Variants in ERICH3 observed in about 807,000 individuals in gnomAD.
ERICH3 encodes glutamate rich 3.
A neutral mutation model predicts 131.1 loss-of-function variants in ERICH3; 126 were observed. The observed-to-expected ratio is 0.96, with a 90% CI of 0.83 to 1.11. ERICH3 has a LOEUF of 1.11. Ranked by LOEUF, ERICH3 falls within the 50% of genes most tolerant of loss-of-function variation. The pLI is 0.00. For missense variants in ERICH3, 2,050 were observed against 1,810.7 expected, an observed-to-expected ratio of 1.13 and a Z score of -2.40; for synonymous variants, 695 against 644.6, an observed-to-expected ratio of 1.08 and a Z score of -1.18.
chr1:74,659,918 A>G (rs1169451911), intron 1 of ERICH3, among the ~76,000 whole-genome samples: 1 of 152,156 alleles, frequency 6.6e-6, no homozygotes, highest in African/African-American at 2.4e-5. Flanking sequence ...CCAGAGAGAG[A>G]GATCACAAGT....
At chr1:74,628,166 T>C (rs1247380832) in intron 7 of ERICH3, among the ~76,000 whole-genome samples, 1 of 152,178 alleles carries the variant, frequency 6.6e-6, no homozygotes, top group Non-Finnish European at 1.5e-5. Context: ...GCAATTCATC[T>C]CTTTAGTAAA....
At position 74,599,879 on chromosome 1, in the gene ERICH3, A is replaced by G. The variant is rs1434283523; in HGVS notation, c.1542T>C (p.Asn514=). 1 of 1,612,058 alleles carries G rather than the reference A, an allele frequency of 6.2e-7. No homozygotes were observed. Among genetic ancestry groups the G allele is most frequent in the African/African-American group, 1.3e-5 (1 of 74,872 alleles). ...VDEEKQGEKS[N]EEGQADVQMN... ...TTTGAACATCAGCCTGTCCTTCTTC[A>G]TTAGATTTTTCACCTTGTTTCTCCT... The change falls in exon 11 of 15, where the codon AAT becomes AAC. Residue 514 remains asparagine, a synonymous_variant. Coordinates refer to ENST00000326665, the MANE Select transcript of ERICH3 (RefSeq NM_001002912.5).
chr1:74,604,293 T>A (rs1188996553), intron 10 of ERICH3, among the ~76,000 whole-genome samples: 1 of 151,878 alleles, frequency 6.6e-6, no homozygotes, highest in East Asian at 1.9e-4. Flanking sequence ...TTCTACCACA[T>A]CTGCAATTAC....
intron 10 of ERICH3, among the ~76,000 whole-genome samples, chr1:74,603,226 A>G (rs1472789719): frequency 1.3e-5 from 2 of 151,856 alleles, no homozygotes; most frequent in Non-Finnish European, 2.9e-5. Context: ...TACTTTGGAC[A>G]CACTATCCAC....
chr1:74,586,849 CA>C (rs1444209819), intron 12 of ERICH3, among the ~76,000 whole-genome samples: 2 of 151,976 alleles, frequency 1.3e-5, no homozygotes, highest in African/African-American at 4.8e-5. Context: ...AATATGAAAA[CA>C]AAACTTTGTA....
chr1:74,631,232 T>C (rs1036850075), intron 7 of ERICH3, among the ~76,000 whole-genome samples: 6 of 152,166 alleles, frequency 3.9e-5, no homozygotes, highest in Admixed American at 3.9e-4. Context: ...TTTCTTCTAT[T>C]AGTATTTTGA....
intron 1 of ERICH3, among the ~76,000 whole-genome samples, chr1:74,664,509 A>G (rs1276651683): frequency 2.0e-5 from 3 of 152,178 alleles, no homozygotes; most frequent in Non-Finnish European, 2.9e-5. Context: ...ATAAAATATT[A>G]CAATCCATGG....
chr1:74,594,515 A>G (rs1001702354), intron 11 of ERICH3, among the ~76,000 whole-genome samples: 1 of 152,114 alleles, frequency 6.6e-6, no homozygotes, highest in Non-Finnish European at 1.5e-5. Flanking sequence ...CACTAAATAC[A>G]TATCGAGAAC....
chr1:74,572,904 C>T lies in ERICH3; in HGVS notation c.2806G>A (p.Gly936Arg). 1 of 1,614,076 alleles carries T rather than the reference C, an allele frequency of 6.2e-7. No homozygotes were observed. Among genetic ancestry groups the T allele is most frequent in the Non-Finnish European group, 8.5e-7 (1 of 1,180,020 alleles). The part of the protein sequence containing the change: ...ATSEEGEAEG[G>R]VAVSDVGESE... ...TCTCCGACATCACTCACAGCCACCC[C>T]ACCCTCAGCCTCTCCCTCCTCCGAT... The change falls in exon 14 of 15, where the codon GGG becomes AGG. Residue 936 changes from glycine (G) to arginine (R), a missense_variant. By Grantham distance (125) the Gly-to-Arg change is moderately radical. Transcript: ENST00000326665.
Position 74,573,180 on chromosome 1 carries a change from C to T in ERICH3, c.2530G>A (p.Glu844Lys), listed in dbSNP as rs1405212612. The T allele has an allele frequency of 1.2e-6, 2 of 1,613,648 alleles. No homozygotes were observed. The highest frequency in any genetic ancestry group is 4.5e-5 in the East Asian group (2 of 44,890). Reference protein sequence around the residue: ...GIERGAEGAAEAEGVRRLGEG... With the variant: ...GIERGAEGAAKAEGVRRLGEG... ...CCCAGCCTTCTGACCCCTTCTGCTT[C>T]TGCTGCTCCCTCTGCCCCCCTTTCT... The change falls in exon 14 of 15, where the codon GAA (glutamate) becomes AAA (lysine). Residue 844 changes from glutamate to lysine, a missense_variant. Physicochemically the swap from Glu to Lys is moderately conservative, Grantham distance 56. Transcript: ENST00000326665.
chr1:74,632,802 A>G (rs1159426390), intron 6 of ERICH3, among the ~76,000 whole-genome samples: 1 of 152,018 alleles, frequency 6.6e-6, no homozygotes, highest in African/African-American at 2.4e-5. Context: ...GAATGACTGA[A>G]AAAACTTGAA....
At chr1:74,578,586 C>G (rs1439410914) in intron 12 of ERICH3, 1 of 152,060 alleles carries the variant, frequency 6.6e-6, no homozygotes, top group East Asian at 1.9e-4. Flanking sequence ...CCTTCCCTTT[C>G]TTCCTTTCTT....
intron 13 of ERICH3, among the ~76,000 whole-genome samples, chr1:74,573,926 T>C (rs576887750): frequency 6.6e-6 from 1 of 151,612 alleles, no homozygotes; most frequent in South Asian, 2.1e-4. Context: ...GTGGAAAAAA[T>C]TATGCAATAA....
rs773293146 is a variant in ERICH3 at position 74,589,874 on chromosome 1, C to T, written c.1933G>A (p.Glu645Lys). ...TCTGCTTTTGTTATTTCTTGGTCTT[C>T]AATTTCAATTTCTAAGGATTCCTCA... is the stretch of plus-strand genomic sequence containing the variant. ...PIEESLEIEI[E>K]DQEITKADVE... The change falls in exon 12 of 15, where the codon GAA becomes AAA. Residue 645 changes from glutamate (E) to lysine (K), a missense_variant. By Grantham distance (56) the Glu-to-Lys change is moderately conservative. Transcript: ENST00000326665. 6 of 1,613,912 alleles carry T rather than the reference C, an allele frequency of 3.7e-6. No homozygotes were observed. Among genetic ancestry groups the T allele is most frequent in the Non-Finnish European group, 5.1e-6 (6 of 1,179,962 alleles).
chr1:74,667,452 C>A (rs538189032), intron 1 of ERICH3, among the ~76,000 whole-genome samples: 1 of 152,248 alleles, frequency 6.6e-6, no homozygotes, highest in Non-Finnish European at 1.5e-5. Flanking sequence ...ATTCAGTCTG[C>A]ACACCACTTC....
At chr1:74,576,236 A>T (rs1372294705) in intron 13 of ERICH3, among the ~76,000 whole-genome samples, 2 of 152,216 alleles carry the variant, frequency 1.3e-5, no homozygotes, top group Non-Finnish European at 2.9e-5. Context: ...AAGCCCTAAT[A>T]ATCTTCCTTG....
intron 12 of ERICH3, chr1:74,579,512 A>G: frequency 1.0e-6 from 1 of 985,364 alleles, no homozygotes; most frequent in Non-Finnish European, 1.2e-6. Flanking sequence ...AGTAGATGAG[A>G]GCCTGTATAG....
Position 74,589,776 on chromosome 1 carries a change from G to A in ERICH3, c.2031C>T (p.Thr677=), listed in dbSNP as rs1295956044. The A allele has an allele frequency of 6.2e-7, 1 of 1,613,958 alleles. No individual in the cohort carries two copies. Among genetic ancestry groups the A allele is most frequent in the Middle Eastern group, 1.7e-4 (1 of 6,060 alleles). The change falls in exon 12 of 15, where the codon ACC becomes ACT. Residue 677 remains threonine (T), a synonymous_variant. Transcript: ENST00000326665. ...NVLKEGTEKG[T]QEIAEGLSEK... is the part of the protein sequence containing the mutation. ...CAGATAAACCCTCTGCAATCTCTTG[G>A]GTTCCTTTCTCCGTTCCTTCTTTAA...
intron 12 of ERICH3, among the ~76,000 whole-genome samples, chr1:74,586,887 C>T (rs1308042637): frequency 6.6e-6 from 1 of 151,868 alleles, no homozygotes. Flanking sequence ...ATAAAGAGCC[C>T]GACCAAATGT....
Sources: allele counts gnomAD v4.1 joint callset (sites outside exome capture counted in the v4.1 genomes callset), GRCh38; gene constraint gnomAD v4.1.1; transcripts MANE v1.5; gene names NCBI Gene and HGNC (gene_info 2026-07-23, HGNC 2026-07-21).